The following RBFOX1 variants were observed in gnomAD, a reference collection of about 807,000 sequenced individuals.
The protein encoded by RBFOX1 is RNA binding fox-1 homolog 1, also known as RNA binding protein fox-1 homolog 1.
RBFOX1 carries 8 observed loss-of-function variants against 57.7 expected under a neutral mutation model. The observed-to-expected ratio is 0.14, with a 90% confidence interval of 0.08 to 0.25. RBFOX1 has a LOEUF of 0.25. Among genes scored for constraint, RBFOX1 ranks in the 10% least tolerant of loss-of-function variants. The probability of loss-of-function intolerance (pLI) is 1.00; values close to 1 mark genes in which losing one functional copy is unlikely to be tolerated. For missense variants in RBFOX1, 611 were observed against 548.5 expected (o/e 1.11, Z -1.14); for synonymous variants, 326 against 222.4 (o/e 1.47, Z -4.15).
chr16:7,510,896 A>G (rs1031466921), intron 4 of RBFOX1, among the ~76,000 whole-genome samples: 1 of 152,130 alleles, frequency 6.6e-6, no homozygotes, highest in African/African-American at 2.4e-5. Context: ...GGTTTTGACA[A>G]TTCCTGTGCA....
At chr16:6,538,364 C>A (rs1475285364) in intron 2 of RBFOX1, among the ~76,000 whole-genome samples, 8 of 152,108 alleles carry the variant, frequency 5.3e-5, no homozygotes, top group African/African-American at 1.7e-4. Flanking sequence ...TGGTGGCACA[C>A]ATCTGTGGTC....
intron 2 of RBFOX1, among the ~76,000 whole-genome samples, chr16:6,590,836 G>C (rs1218347601): frequency 3.0e-5 from 1 of 33,006 alleles, no homozygotes; most frequent in African/African-American, 9.8e-5. Context: ...ATATTGGCAA[G>C]TGCGTTTGAC....
chr16:5,979,872 G>A lies in RBFOX1; in HGVS notation c.351+112537G>A, dbSNP rs562016834. Among the ~76,000 whole-genome samples, 253 of 152,250 alleles carry A rather than the reference G, an allele frequency of 1.7e-3. 1 individual carries two copies. Among genetic ancestry groups the A allele is most frequent in the Non-Finnish European group, 3.1e-3 (211 of 68,012 alleles). On this transcript the variant is annotated intron_variant, in intron 4 of 19. Coordinates refer to the RBFOX1 transcript ENST00000641259. ...TGAGACTCTGACTCAAAGAAAGAAA[G>A]AAATTAAAGTGTATTTAAGGTGCAA...
At chr16:5,319,596 G>C (rs974999714) in intron 1 of RBFOX1, among the ~76,000 whole-genome samples, 1 of 152,210 alleles carries the variant, frequency 6.6e-6, no homozygotes, top group Non-Finnish European at 1.5e-5. Flanking sequence ...CGTGGACCTT[G>C]TCTTGGATGG....
chr16:7,669,575 G>C (rs185423996), intron 13 of RBFOX1, among the ~76,000 whole-genome samples: 2 of 152,278 alleles, frequency 1.3e-5, no homozygotes, highest in Admixed American at 6.5e-5. Flanking sequence ...AATATGTCTT[G>C]AGATTCCAGT....
intron 4 of RBFOX1, among the ~76,000 whole-genome samples, chr16:7,253,928 C>T (rs547177460): frequency 6.6e-6 from 1 of 152,120 alleles, no homozygotes; most frequent in Non-Finnish European, 1.5e-5. Context: ...TATAGGAGCT[C>T]TCTTGTATCT....
intron 1 of RBFOX1, among the ~76,000 whole-genome samples, chr16:5,284,263 T>A (rs1330977695): frequency 1.3e-5 from 2 of 152,196 alleles, no homozygotes; most frequent in African/African-American, 2.4e-5. Context: ...AGGTATGTCT[T>A]TATCAGCAGT....
intron 2 of RBFOX1, among the ~76,000 whole-genome samples, chr16:6,376,513 C>A (rs573598644): frequency 6.6e-6 from 1 of 152,136 alleles, no homozygotes; most frequent in African/African-American, 2.4e-5. Context: ...TGGCATTCTG[C>A]GGCTTGCAGC....
At chr16:6,077,251 G>A (rs2095916899) in intron 1 of RBFOX1, among the ~76,000 whole-genome samples, 1 of 151,736 alleles carries the variant, frequency 6.6e-6, no homozygotes, top group South Asian at 2.1e-4. Context: ...AGACACCATG[G>A]CATTGCAGTT....
intron 4 of RBFOX1, among the ~76,000 whole-genome samples, chr16:7,249,636 G>A (rs1162649524): frequency 6.6e-6 from 1 of 151,200 alleles, no homozygotes; most frequent in Non-Finnish European, 1.5e-5. Context: ...TAATGAAAGG[G>A]CTGAAGAATA....
intron 4 of RBFOX1, among the ~76,000 whole-genome samples, chr16:5,900,740 A>G (rs551539878): frequency 2.6e-5 from 4 of 152,298 alleles, no homozygotes; most frequent in East Asian, 1.9e-4. Context: ...CGAGAAGGAC[A>G]TGAGAGGAGG....
intron 4 of RBFOX1, among the ~76,000 whole-genome samples, chr16:7,157,843 T>A (rs538002295): frequency 6.6e-6 from 1 of 152,330 alleles, no homozygotes; most frequent in East Asian, 1.9e-4. Context: ...AATCTGATAG[T>A]CTACTTCAGG....
At chr16:5,863,128 A>G (rs1345751598) in intron 3 of RBFOX1, among the ~76,000 whole-genome samples, 2 of 152,164 alleles carry the variant, frequency 1.3e-5, no homozygotes, top group African/African-American at 2.4e-5. Context: ...TATGTCTCCA[A>G]TCTCAGTTGA....
intron 2 of RBFOX1, among the ~76,000 whole-genome samples, chr16:6,514,624 A>G (rs552409213): frequency 2.6e-5 from 4 of 152,098 alleles, no homozygotes; most frequent in Non-Finnish European, 5.9e-5. Flanking sequence ...TGTACCCCTC[A>G]CATGCCCTTT....
chr16:6,345,246 G>A lies in RBFOX1; in HGVS notation c.-64+28189G>A, dbSNP rs543918711. Reference sequence around the variant, plus strand: ...AGAAGAGAATTCAAGGGTGAGCCAGGTGTGTTAAACAGTAACTTTTATTGA... The same window carrying A: ...AGAAGAGAATTCAAGGGTGAGCCAGATGTGTTAAACAGTAACTTTTATTGA... On this transcript the variant is annotated intron_variant, in intron 2 of 15. Transcript: ENST00000550418. Among the ~76,000 whole-genome samples the A allele has an allele frequency of 3.9e-5, 6 of 152,332 alleles. No homozygotes were observed. In the South Asian group the frequency reaches 6.2e-4, roughly 16 times the overall value.
chr16:5,976,141 T>C (rs938291223), intron 4 of RBFOX1, among the ~76,000 whole-genome samples: 7 of 151,822 alleles, frequency 4.6e-5, no homozygotes, highest in Admixed American at 2.6e-4. Context: ...TGAGATTCAA[T>C]CTCAAAATAA....
chr16:5,711,294 A>T (rs1224291322), intron 3 of RBFOX1, among the ~76,000 whole-genome samples: 1 of 152,226 alleles, frequency 6.6e-6, no homozygotes, highest in African/African-American at 2.4e-5. Context: ...CATTGCTCAG[A>T]TAAGAAAATG....
At chr16:6,871,218 C>T (rs1199086063) in intron 3 of RBFOX1, among the ~76,000 whole-genome samples, 1 of 152,130 alleles carries the variant, frequency 6.6e-6, no homozygotes, top group African/African-American at 2.4e-5. Context: ...TGGAGTGTTG[C>T]TCTGTCCCCC....
intron 1 of RBFOX1, among the ~76,000 whole-genome samples, chr16:5,443,199 G>C (rs754937446): frequency 6.6e-6 from 1 of 152,168 alleles, no homozygotes; most frequent in Non-Finnish European, 1.5e-5. Flanking sequence ...AGTCCCAGGA[G>C]ACTAAGCCGT....
Sources: gnomAD v4.1 joint callset for allele counts (sites outside exome capture counted in the v4.1 genomes callset) on GRCh38, gnomAD v4.1.1 for gene constraint, MANE v1.5 for transcripts, NCBI Gene and HGNC (gene_info 2026-07-23, HGNC 2026-07-21) for gene names.